PDE4D: variants seen among roughly 807,000 people sequenced by gnomAD.
The protein encoded by PDE4D is 3',5'-cyclic-AMP phosphodiesterase 4D.
PDE4D carries 24 observed loss-of-function variants against 87.4 expected under a neutral mutation model. That is an observed-to-expected ratio of 0.27 (90% CI 0.20 to 0.39). PDE4D has a LOEUF of 0.39. PDE4D is among the 10% of genes least tolerant of loss of function. PDE4D has a pLI of 1.00. For synonymous variants in PDE4D, 384 were observed against 383.2 expected, an observed-to-expected ratio of 1.00 and a Z score of -0.02; for missense variants, 714 against 1,041.0, an observed-to-expected ratio of 0.69 and a Z score of 4.32.
intron 1 of PDE4D, among the ~76,000 whole-genome samples, chr5:60,277,571 C>T (rs534769329): frequency 1.2e-4 from 18 of 150,884 alleles, no homozygotes; most frequent in Admixed American, 3.9e-4. Context: ...GGCTGGAGTT[C>T]ATAATATTAC....
intron 1 of PDE4D, among the ~76,000 whole-genome samples, chr5:59,616,945 A>ATATATATATATCTCTCTC (rs936160133): frequency 1.5e-5 from 2 of 137,262 alleles, no homozygotes; most frequent in African/African-American, 5.3e-5. Flanking sequence ...ATATATATAT[A>ATATATATATATCTCTCTC]TCTCCAAGAT....
intron 6 of PDE4D, among the ~76,000 whole-genome samples, chr5:59,030,688 G>A (rs1757220411): frequency 1.3e-5 from 2 of 152,062 alleles, no homozygotes; most frequent in Admixed American, 6.6e-5. Context: ...ACATGATCAC[G>A]CCACTGCACT....
intron 6 of PDE4D, among the ~76,000 whole-genome samples, chr5:59,022,766 C>A (rs572785156): frequency 6.6e-6 from 1 of 152,312 alleles, no homozygotes; most frequent in South Asian, 2.1e-4. Context: ...AAAGGCAAAA[C>A]GAGGTACTGT....
intron 2 of PDE4D, among the ~76,000 whole-genome samples, chr5:59,199,383 G>T (rs535327239): frequency 6.6e-6 from 1 of 151,646 alleles, no homozygotes; most frequent in Admixed American, 6.6e-5. Flanking sequence ...GTGCACCACC[G>T]CGCTGGCCGA....
At position 60,363,820 on chromosome 5, in the gene PDE4D, G is replaced by C. The variant is rs150794073; in HGVS notation, c.-90+124122C>G. 2.2e-3 allele frequency among the ~76,000 whole-genome samples: 336 copies of C among 152,320 alleles called. 2 individuals carry two copies. Among genetic ancestry groups the C allele is most frequent in the African/African-American group, 7.8e-3 (326 of 41,572 alleles). On this transcript the variant is annotated intron_variant, in intron 1 of 16. Coordinates refer to the PDE4D transcript ENST00000502484. Reference sequence around the variant, plus strand: ...TGAGAAAGAGCTTAGTCTATTTGAAGAAGAGAAAGAAGGCCAGTGTCACTG... The same window carrying C: ...TGAGAAAGAGCTTAGTCTATTTGAACAAGAGAAAGAAGGCCAGTGTCACTG...
rs529519565 is a variant in PDE4D at position 60,340,865 on chromosome 5, T to C, written c.-90+147077A>G. Reference sequence around the variant, plus strand: ...AAACACAAATATCAGCCTTTGTTCCTCTGTATGTAATAGAAAAAAGAAAAA... The same window carrying C: ...AAACACAAATATCAGCCTTTGTTCCCCTGTATGTAATAGAAAAAAGAAAAA... On this transcript the variant is annotated intron_variant, in intron 1 of 16. Coordinates refer to the PDE4D transcript ENST00000502484. Among the ~76,000 whole-genome samples the C allele has an allele frequency of 8.6e-5, 13 of 151,290 alleles. No individual in the cohort carries two copies. In the South Asian group the frequency reaches 2.8e-3, roughly 33 times the overall value.
In PDE4D at chr5:59,481,127, C is replaced by T. The variant is rs141490517; in HGVS notation, c.456-265159G>A. On this transcript the variant is annotated intron_variant, in intron 1 of 14. Coordinates refer to ENST00000340635, the MANE Select transcript of PDE4D (RefSeq NM_001104631.2). ...CAACATCTGGTAGGACTTGCAAAGG[C>T]GCAGCTATTCTGACCGTTAGCTTAT... Among the ~76,000 whole-genome samples, 512 of 152,142 alleles carry T rather than the reference C, an allele frequency of 3.4e-3. 4 individuals are homozygous for T. The highest frequency in any genetic ancestry group is 0.013 in the East Asian group (65 of 5,162).
intron 1 of PDE4D, among the ~76,000 whole-genome samples, chr5:59,861,630 A>G (rs1746301460): frequency 6.6e-6 from 1 of 152,212 alleles, no homozygotes; most frequent in South Asian, 2.1e-4. Context: ...TTCCTGTTCT[A>G]TGGTTAATGT....
At chr5:59,254,121 T>C (rs544586411) in intron 1 of PDE4D, among the ~76,000 whole-genome samples, 8 of 152,182 alleles carry the variant, frequency 5.3e-5, no homozygotes, top group African/African-American at 1.7e-4. Flanking sequence ...AGCTACATGA[T>C]GGAAACTGTG....
chr5:59,161,051 C>T (rs537373903), intron 5 of PDE4D, among the ~76,000 whole-genome samples: 158 of 152,256 alleles, frequency 1.0e-3, no homozygotes, highest in African/African-American at 3.2e-3. Flanking sequence ...AGCCGAATTG[C>T]GCCATTGCAC....
chr5:59,432,482 T>A (rs539361641), intron 1 of PDE4D, among the ~76,000 whole-genome samples: 7 of 152,120 alleles, frequency 4.6e-5, no homozygotes, highest in Non-Finnish European at 4.4e-5. Context: ...TGAAAATGGA[T>A]TGCTAGCTTA....
intron 1 of PDE4D, among the ~76,000 whole-genome samples, chr5:59,290,959 G>A (rs1391493009): frequency 6.6e-6 from 1 of 151,944 alleles, no homozygotes; most frequent in East Asian, 1.9e-4. Context: ...TAAAGAAAAG[G>A]GAACCCTGGT....
chr5:59,950,061 A>G (rs1305456304), intron 3 of PDE4D, among the ~76,000 whole-genome samples: 4 of 152,340 alleles, frequency 2.6e-5, no homozygotes, highest in African/African-American at 9.6e-5. Flanking sequence ...GTATAGGCAG[A>G]GTACAGAACT....
intron 1 of PDE4D, among the ~76,000 whole-genome samples, chr5:60,495,293 G>A (rs1271357694): frequency 6.6e-6 from 1 of 152,172 alleles, no homozygotes; most frequent in African/African-American, 2.4e-5. Context: ...AGATTACACT[G>A]AGTCACAGTT....
intron 1 of PDE4D, among the ~76,000 whole-genome samples, chr5:59,347,627 C>T (rs913135706): frequency 2.6e-5 from 4 of 152,062 alleles, no homozygotes; most frequent in Admixed American, 6.6e-5. Context: ...GTATTTTCTA[C>T]GTATAAAAAG....
chr5:59,411,939 T>G (rs1792759219), intron 1 of PDE4D, among the ~76,000 whole-genome samples: 1 of 152,240 alleles, frequency 6.6e-6, no homozygotes, highest in Non-Finnish European at 1.5e-5. Flanking sequence ...CTCTTTTCAT[T>G]AATGGATTCG....
chr5:59,870,684 C>G (rs1747695667), intron 1 of PDE4D, among the ~76,000 whole-genome samples: 1 of 152,216 alleles, frequency 6.6e-6, no homozygotes, highest in Non-Finnish European at 1.5e-5. Flanking sequence ...TCACTCCAAA[C>G]TGCTGAAGCT....
At chr5:59,204,306 C>A (rs27172) in intron 2 of PDE4D, among the ~76,000 whole-genome samples, 1 of 151,696 alleles carries the variant, frequency 6.6e-6, no homozygotes, top group Non-Finnish European at 1.5e-5. Context: ...CTGAAGTTTA[C>A]GCAACATAAG....
At chr5:60,497,369 C>T (rs1345504931) in intron 1 of PDE4D, among the ~76,000 whole-genome samples, 6 of 151,858 alleles carry the variant, frequency 4.0e-5, no homozygotes, top group East Asian at 1.9e-4. Flanking sequence ...ATGTATTGGC[C>T]GCTTGCAATT....
Sources: allele counts gnomAD v4.1 joint callset (sites outside exome capture counted in the v4.1 genomes callset), GRCh38; gene constraint gnomAD v4.1.1; transcripts MANE v1.5; gene names NCBI Gene and HGNC (gene_info 2026-07-23, HGNC 2026-07-21).